The following PRKAG2 variants were observed in gnomAD, a reference collection of about 807,000 sequenced individuals.
PRKAG2 encodes protein kinase AMP-activated non-catalytic subunit gamma 2.
In PRKAG2, 26 loss-of-function variants were observed where a neutral mutation model predicts 69.6. That is an observed-to-expected ratio of 0.37 (90% CI 0.27 to 0.52). The LOEUF is 0.52. Ranked by LOEUF, PRKAG2 falls within the 20% of genes least tolerant of loss-of-function variation. PRKAG2 has a pLI of 0.90. For missense variants in PRKAG2, 557 were observed against 740.0 expected (o/e 0.75, Z 2.87); for synonymous variants, 293 against 285.0 (o/e 1.03, Z -0.28).
chr7:151,874,136 GTATAT>G (rs1160016782), intron 1 of PRKAG2, among the ~76,000 whole-genome samples: 1 of 127,452 alleles, frequency 7.8e-6, no homozygotes, highest in Non-Finnish European at 1.7e-5. Flanking sequence ...TGATGTATAT[GTATAT>G]ATGTATATGT....
rs545127058 is a variant in PRKAG2, at chr7:151,614,365, G to A, written c.754+17704C>T. ...GGCCATGGGGTCGGTTACGTTGGGC[G>A]CTTGGCATGTGCTCTGTACTACTTT... On this transcript the variant is annotated intron_variant, in intron 5 of 15. Transcript: ENST00000287878. The surrounding 1 kb of genome is among the most constrained non-coding windows in gnomAD (Gnocchi z 4.4). Among the ~76,000 whole-genome samples the A allele has an allele frequency of 3.3e-5, 5 of 152,226 alleles. No individual in the cohort carries two copies. The East Asian group carries it at 5.8e-4, about 18-fold the overall frequency.
chr7:151,774,026 G>A (rs1036542942), intron 3 of PRKAG2, among the ~76,000 whole-genome samples: 9 of 152,132 alleles, frequency 5.9e-5, no homozygotes, highest in African/African-American at 2.2e-4. Context: ...ATTTTGTCCC[G>A]GGGCTGATTT....
At chr7:151,809,357 C>T (rs1441537271) in intron 1 of PRKAG2, 11 of 419,300 alleles carry the variant, frequency 2.6e-5, no homozygotes, top group South Asian at 6.7e-5. Flanking sequence ...CGGCAGGTGT[C>T]GGAGTGGGCC....
intron 1 of PRKAG2, among the ~76,000 whole-genome samples, chr7:151,874,024 GA>G (rs2080286330): frequency 7.5e-6 from 1 of 133,004 alleles, no homozygotes; most frequent in African/African-American, 2.8e-5. Context: ...ATATGTATAT[GA>G]TGTATATGTA....
chr7:151,749,465 A>G (rs1330795635), intron 3 of PRKAG2, among the ~76,000 whole-genome samples: 1 of 152,210 alleles, frequency 6.6e-6, no homozygotes, highest in Non-Finnish European at 1.5e-5. Flanking sequence ...GTTGGTCATC[A>G]AAACTCTGCT....
intron 4 of PRKAG2, among the ~76,000 whole-genome samples, chr7:151,671,756 G>C (rs536359306): frequency 6.6e-6 from 1 of 152,252 alleles, no homozygotes; most frequent in Non-Finnish European, 1.5e-5. Context: ...GGCCACAGAG[G>C]CTGTGAATGA....
At chr7:151,592,805 TG>T (rs1190171183) in intron 6 of PRKAG2, among the ~76,000 whole-genome samples, 1 of 152,268 alleles carries the variant, frequency 6.6e-6, no homozygotes, top group Admixed American at 6.5e-5. Flanking sequence ...GCGGCTATTT[TG>T]TTTGCTTTCT....
chr7:151,866,368 A>G lies in PRKAG2; in HGVS notation c.114+10139T>C, dbSNP rs116257392. Among the ~76,000 whole-genome samples, 1,306 of 152,342 alleles carry G rather than the reference A, an allele frequency of 8.6e-3. 23 individuals are homozygous for G. Among genetic ancestry groups the G allele is most frequent in the African/African-American group, 0.03 (1,246 of 41,568 alleles). Reference sequence around the variant, plus strand: ...TTGGGCTAGAATGGTTGTGAACCTTACACTGTCTTTTCTACATTAAGGATA... The same window carrying G: ...TTGGGCTAGAATGGTTGTGAACCTTGCACTGTCTTTTCTACATTAAGGATA... On this transcript the variant is annotated intron_variant, in intron 1 of 15. Transcript: ENST00000287878.
rs1439580552 is a variant in PRKAG2 at position 151,581,737 on chromosome 7, C to CA, written c.865-5286_865-5285insT. ...TTACACTACAGTGAGCCTCATCACA[C>CA]CTCAGGCTTAAAAGAATGATACCAA... On this transcript the variant is annotated intron_variant, in intron 6 of 15. Coordinates refer to ENST00000287878, the MANE Select transcript of PRKAG2 (RefSeq NM_016203.4). Among the ~76,000 whole-genome samples the CA allele has an allele frequency of 3.9e-5, 6 of 152,144 alleles. 1 individual carries two copies. The highest frequency in any genetic ancestry group is 3.8e-4 in the East Asian group (2 of 5,198).
chr7:151,781,284 C>A lies in PRKAG2; in HGVS notation c.334G>T (p.Glu112Ter). 2 of 1,614,038 alleles carry A rather than the reference C, an allele frequency of 1.2e-6. No individual in the cohort carries two copies. The highest frequency in any genetic ancestry group is 8.5e-7 in the Non-Finnish European group (1 of 1,180,022). The change falls in exon 3 of 16, where the codon GAG becomes TAG. Residue 112 changes from glutamate (E) to a stop codon, truncating the protein, a stop_gained. Transcript: ENST00000287878. LOFTEE classifies it high-confidence loss of function. This position sits in a 1 kb window ranked among gnomAD's most constrained non-coding sequence, Gnocchi z 6.1. ...PKTVFPFSYQ[E>*]SPPRSPRRMS... is the part of the protein sequence containing the mutation. ...CGTCGAGGGGAGCGTGGCGGGGACT[C>A]CTGGTAGGAGAACGGGAACACGGTT...
rs1488441526 is a variant in PRKAG2 at position 151,788,065 on chromosome 7, G to C, written c.115-1524C>G. ...GCAGCCTAGCAAACCAATATAATAG[G>C]TGTACGAATATCTCTTCAGGACCCT... On this transcript the variant is annotated intron_variant, in intron 1 of 15. Transcript: ENST00000287878. The surrounding 1 kb of genome is among the most constrained non-coding windows in gnomAD (Gnocchi z 4.6). 2.0e-5 allele frequency among the ~76,000 whole-genome samples: 3 copies of C among 152,152 alleles called. No homozygotes were observed. Among genetic ancestry groups the C allele is most frequent in the African/African-American group, 7.2e-5 (3 of 41,448 alleles).
In PRKAG2 at chr7:151,780,188, A is replaced by C. The variant is rs746674208; in HGVS notation, c.466+964T>G. 6.6e-6 allele frequency among the ~76,000 whole-genome samples: 1 copy of C among 151,234 alleles called. No homozygotes were observed. Among genetic ancestry groups the C allele is most frequent in the Non-Finnish European group, 1.5e-5 (1 of 67,274 alleles). On this transcript the variant is annotated intron_variant, in intron 3 of 15. Coordinates refer to ENST00000287878, the MANE Select transcript of PRKAG2 (RefSeq NM_016203.4). This position sits in a 1 kb window ranked among gnomAD's most constrained non-coding sequence, Gnocchi z 4.2. ...TGGTGGATGAAGTAGTGAGGCTGACAGAGACCTGGCTTCTCGTCCTACAGC... is the reference window on the plus strand; with the variant it reads ...TGGTGGATGAAGTAGTGAGGCTGACCGAGACCTGGCTTCTCGTCCTACAGC...
chr7:151,582,885 T>C (rs1417306768), intron 6 of PRKAG2, among the ~76,000 whole-genome samples: 1 of 152,248 alleles, frequency 6.6e-6, no homozygotes, highest in Non-Finnish European at 1.5e-5. Context: ...GGATATTTCC[T>C]CACAGGTGTA....
At chr7:151,704,825 A>T (rs1445127882) in intron 3 of PRKAG2, among the ~76,000 whole-genome samples, 1 of 152,202 alleles carries the variant, frequency 6.6e-6, no homozygotes, top group East Asian at 1.9e-4. Context: ...AGTATTGCCA[A>T]GGGAGGCACA....
At chr7:151,832,850 G>A (rs978203786) in intron 1 of PRKAG2, among the ~76,000 whole-genome samples, 2 of 152,084 alleles carry the variant, frequency 1.3e-5, no homozygotes, top group Non-Finnish European at 2.9e-5. Context: ...CAGTTAGGAC[G>A]GTGGCCATTT....
At chr7:151,671,307 A>T (rs1465952465) in intron 4 of PRKAG2, among the ~76,000 whole-genome samples, 2 of 152,218 alleles carry the variant, frequency 1.3e-5, no homozygotes, top group African/African-American at 2.4e-5. Flanking sequence ...ATGTTTACAG[A>T]AAGTATCTTT....
rs187024644 is a variant in PRKAG2 at position 151,673,235 on chromosome 7, C to T, written c.684+2185G>A. ...GATCTCAAATAAATCGTGGTTTTCT[C>T]GTCAAACCACTGTCTCTTCTTAAAT... On this transcript the variant is annotated intron_variant, in intron 4 of 15. Coordinates refer to ENST00000287878, the MANE Select transcript of PRKAG2 (RefSeq NM_016203.4). 6.4e-3 allele frequency among the ~76,000 whole-genome samples: 980 copies of T among 152,256 alleles called. 3 individuals carry two copies. Among genetic ancestry groups the T allele is most frequent in the South Asian group, 0.015 (72 of 4,812 alleles).
At chr7:151,561,969 G>A (rs1259062719) in intron 14 of PRKAG2, among the ~76,000 whole-genome samples, 1 of 144,406 alleles carries the variant, frequency 6.9e-6, no homozygotes, top group Admixed American at 7.1e-5. Context: ...ACCTGGAGCC[G>A]GGTGCGGTGG....
intron 3 of PRKAG2, among the ~76,000 whole-genome samples, chr7:151,715,730 TA>T (rs1487916176): frequency 1.3e-5 from 2 of 151,970 alleles, no homozygotes; most frequent in South Asian, 2.1e-4. Context: ...AAGAGAAAGA[TA>T]GGGGGAAGGC....
Sources: allele counts gnomAD v4.1 joint callset (sites outside exome capture counted in the v4.1 genomes callset), GRCh38; gene constraint gnomAD v4.1.1; non-coding constraint Gnocchi (gnomAD v3.1); transcripts MANE v1.5; gene names NCBI Gene and HGNC (gene_info 2026-07-23, HGNC 2026-07-21).